Variants in ABCG2 observed in about 807,000 individuals in gnomAD.
ABCG2 encodes the protein broad substrate specificity ATP-binding cassette transporter ABCG2.
In ABCG2, 80 loss-of-function variants were observed where a neutral mutation model predicts 73.5. The observed-to-expected ratio is 1.09, with a 90% CI of 0.91 to 1.31. The LOEUF is 1.31. ABCG2 is among the 50% of genes most tolerant of loss of function. ABCG2 has a pLI of 0.00. For missense variants in ABCG2, 796 were observed against 786.2 expected (o/e 1.01, Z -0.15); for synonymous variants, 269 against 282.4 (o/e 0.95, Z 0.48).
At chr4:88,168,609 A>C (rs1370618760) in intron 1 of ABCG2, among the ~76,000 whole-genome samples, 1 of 152,186 alleles carries the variant, frequency 6.6e-6, no homozygotes, top group African/African-American at 2.4e-5. Context: ...GTCAGATAGT[A>C]CAGTAGAGTA....
At chr4:88,213,339 C>T (rs1729676377) in intron 1 of ABCG2, among the ~76,000 whole-genome samples, 1 of 152,118 alleles carries the variant, frequency 6.6e-6, no homozygotes, top group Non-Finnish European at 1.5e-5. Flanking sequence ...TTCATCTTTC[C>T]CCTCCCATAG....
At chr4:88,136,169 C>T (rs961960965) in intron 2 of ABCG2, among the ~76,000 whole-genome samples, 2 of 152,068 alleles carry the variant, frequency 1.3e-5, no homozygotes, top group Admixed American at 6.5e-5. Flanking sequence ...TTCTCCCGCC[C>T]GCTTTGGCCA....
At chr4:88,151,488 C>T (rs1726475375) in intron 1 of ABCG2, among the ~76,000 whole-genome samples, 1 of 152,166 alleles carries the variant, frequency 6.6e-6, no homozygotes, top group Non-Finnish European at 1.5e-5. Flanking sequence ...CCTGTAATCC[C>T]AGCACTTTGG....
chr4:88,230,737 C>A (rs1730433801), intron 1 of ABCG2, among the ~76,000 whole-genome samples: 1 of 152,096 alleles, frequency 6.6e-6, no homozygotes, highest in Admixed American at 6.6e-5. Flanking sequence ...ATGCAAAAAA[C>A]TGACAGAGTT....
At chr4:88,160,086 T>C (rs985311394), upstream of ABCG2, among the ~76,000 whole-genome samples, 1 of 151,700 alleles carries the variant, frequency 6.6e-6, no homozygotes, top group Non-Finnish European at 1.5e-5. Flanking sequence ...CTACTAAAAA[T>C]ACAAAAGTTA....
chr4:88,157,948 A>T (rs1727060752), intron 1 of ABCG2, among the ~76,000 whole-genome samples: 1 of 152,230 alleles, frequency 6.6e-6, no homozygotes, highest in Non-Finnish European at 1.5e-5. Context: ...AAAGCTTTAA[A>T]GGGATTGACC....
intron 1 of ABCG2, among the ~76,000 whole-genome samples, chr4:88,214,755 A>G (rs760930876): frequency 2.6e-5 from 4 of 152,194 alleles, no homozygotes; most frequent in Admixed American, 1.3e-4. Context: ...GACCAGAGGT[A>G]CATGCCACCG....
intron 10 of ABCG2, among the ~76,000 whole-genome samples, chr4:88,105,259 G>C (rs1292476958): frequency 3.3e-5 from 5 of 152,256 alleles, no homozygotes; most frequent in Admixed American, 6.5e-5. Flanking sequence ...AAAATAATCA[G>C]CCTTTCCAGA....
chr4:88,132,439 A>G, intron 3 of ABCG2, 137 bp downstream of exon 3: 1 of 855,932 alleles, frequency 1.2e-6, no homozygotes. Flanking sequence ...AACTACAGTT[A>G]TCCACAGCAC....
intron 1 of ABCG2, among the ~76,000 whole-genome samples, chr4:88,205,981 A>G (rs1458583459): frequency 6.6e-6 from 1 of 151,944 alleles, no homozygotes; most frequent in East Asian, 1.9e-4. Flanking sequence ...ACGCCCAGCC[A>G]CCATTTATCA....
At chr4:88,175,228 A>C (rs7657531) in intron 1 of ABCG2, among the ~76,000 whole-genome samples, 36,130 of 152,072 alleles carry the variant, frequency 0.24, 5,684 homozygotes, top group African/African-American at 0.45. Context: ...CCATTGTTTA[A>C]TGCAAAATTA....
At chr4:88,138,613 T>G (rs1725405110) in intron 2 of ABCG2, among the ~76,000 whole-genome samples, 1 of 152,166 alleles carries the variant, frequency 6.6e-6, no homozygotes, top group Admixed American at 6.5e-5. Context: ...AAACTGTATT[T>G]AGAGTTGGAG....
At position 88,092,314 on chromosome 4, in the gene ABCG2, G is replaced by A; in HGVS notation, c.1888C>T (p.His630Tyr). Residue 630 changes from histidine (H) to tyrosine (Y), a missense_variant, in exon 16 of 16, where the codon CAC (histidine) becomes TAC (tyrosine). Transcript: ENST00000237612. ...DLSPWGLWKN[H>Y]VALACMIVIF... ...ACAATCATACAAGCCAAGGCCACGT[G>A]ATTCTTCCACAAGCCCCAGGGTGAG... The A allele has an allele frequency of 6.2e-7, 1 of 1,613,848 alleles. No individual in the cohort carries two copies. Among genetic ancestry groups the A allele is most frequent in the Non-Finnish European group, 8.5e-7 (1 of 1,179,868 alleles).
intron 10 of ABCG2, among the ~76,000 whole-genome samples, chr4:88,102,855 G>C (rs1722524721): frequency 6.6e-6 from 1 of 152,036 alleles, no homozygotes; most frequent in Non-Finnish European, 1.5e-5. Context: ...AGAAAAAAAA[G>C]AGTCCATAGA....
In ABCG2 at chr4:88,118,114, G is replaced by A. The variant is rs1439834461; in HGVS notation, c.836C>T (p.Ser279Leu). The A allele has an allele frequency of 6.2e-7, 1 of 1,612,508 alleles. No homozygotes were observed. Among genetic ancestry groups the A allele is most frequent in the African/African-American group, 1.3e-5 (1 of 74,864 alleles). Residue 279 changes from serine (S) to leucine (L), a missense_variant, in exon 7 of 16, where the codon TCA (serine) becomes TTA (leucine). Ser to Leu is a moderately radical substitution (Grantham distance 145). Coordinates refer to ENST00000237612, the MANE Select transcript of ABCG2 (RefSeq NM_004827.3). ...PAQEALGYFE[S>L]AGYHCEAYNN... ...CATAAAAAAGTCAACCATACCAGCT[G>A]ATTCAAAGTATCCCAAGGCCTCCTG...
At chr4:88,100,524 C>T (rs1722329422) in intron 11 of ABCG2, among the ~76,000 whole-genome samples, 1 of 149,108 alleles carries the variant, frequency 6.7e-6, no homozygotes, top group African/African-American at 2.5e-5. Flanking sequence ...AAAAAAAAAG[C>T]TAGGCATGCC....
intron 13 of ABCG2, among the ~76,000 whole-genome samples, chr4:88,096,792 C>T (rs981555612): frequency 7.3e-5 from 11 of 151,442 alleles, no homozygotes; most frequent in African/African-American, 1.7e-4. Flanking sequence ...ATGTCAGGAA[C>T]GAAACCCAGA....
At chr4:88,114,197 G>A (rs1194427527) in intron 8 of ABCG2, among the ~76,000 whole-genome samples, 1 of 151,992 alleles carries the variant, frequency 6.6e-6, no homozygotes, top group East Asian at 1.9e-4. Context: ...GAAAAAGAAA[G>A]AAAAAGAAAA....
chr4:88,113,962 T>A (rs915590651), intron 8 of ABCG2, among the ~76,000 whole-genome samples: 5 of 151,190 alleles, frequency 3.3e-5, no homozygotes, highest in African/African-American at 1.2e-4. Flanking sequence ...AGACTCCATC[T>A]CAAAAAAGAA....
Sources: allele counts gnomAD v4.1 joint callset (sites outside exome capture counted in the v4.1 genomes callset), GRCh38; gene constraint gnomAD v4.1.1; transcripts MANE v1.5; gene names NCBI Gene and HGNC (gene_info 2026-07-23, HGNC 2026-07-21).